The following DOCK8 variants were observed in gnomAD, a reference collection of about 807,000 sequenced individuals.
DOCK8 encodes dedicator of cytokinesis 8, also known as dedicator of cytokinesis protein 8.
Under a neutral mutation model 245.6 loss-of-function variants are expected in DOCK8, and 141 were observed. That is an observed-to-expected ratio of 0.57 (90% CI 0.50 to 0.66). DOCK8 has a LOEUF of 0.66. Among genes scored for constraint, DOCK8 ranks in the 30% least tolerant of loss-of-function variants. The probability of loss-of-function intolerance (pLI) is 0.00; values close to 1 mark genes in which losing one functional copy is unlikely to be tolerated. For missense variants in DOCK8, 2,965 were observed against 2,603.4 expected, an observed-to-expected ratio of 1.14 and a Z score of -3.02; for synonymous variants, 1,168 against 970.2, an observed-to-expected ratio of 1.20 and a Z score of -3.79.
At position 451,953 on chromosome 9, in the gene DOCK8, GTGTA is replaced by G. The variant is rs1445634572; in HGVS notation, c.5962-56_5962-53del. 39 of 276,268 alleles carry G rather than the reference GTGTA, an allele frequency of 1.4e-4. No individual in the cohort carries two copies. The African/African-American group carries it at 2.1e-3, about 15-fold the overall frequency. 17.1% of individuals were successfully genotyped at this position (276,268 alleles called of 1,614,324 possible). A position where few individuals can be genotyped will look rare whatever the true frequency, so the allele number is the denominator to read the frequency against. On this transcript the variant is annotated intron_variant, in intron 45 of 47. Coordinates refer to ENST00000432829, the MANE Select transcript of DOCK8 (RefSeq NM_203447.4). ...TATGTGTATATATATATGTGTGTGT[GTGTA>G]TATATATATATATATATATATTTTT...
chr9:242,201 G>T (rs1258865636), intron 1 of DOCK8, among the ~76,000 whole-genome samples: 3 of 152,148 alleles, frequency 2.0e-5, no homozygotes, highest in African/African-American at 7.2e-5. Flanking sequence ...CTTTGTCCTT[G>T]TAAAAATTAT....
At chr9:441,541 C>G (rs2057096261) in intron 41 of DOCK8, 124 bp downstream of exon 41, 1 of 1,445,792 alleles carries the variant, frequency 6.9e-7, no homozygotes, top group Middle Eastern at 2.4e-4. Flanking sequence ...TTTGCTCTCA[C>G]CTGTCAAACA....
intron 27 of DOCK8, among the ~76,000 whole-genome samples, chr9:406,448 C>G (rs1478067302): frequency 1.4e-5 from 2 of 146,468 alleles, no homozygotes; most frequent in African/African-American, 5.2e-5. Flanking sequence ...GACCATGCCA[C>G]TGCAATCCAG....
At chr9:334,757 A>T (rs1186594454) in intron 11 of DOCK8, among the ~76,000 whole-genome samples, 1 of 152,174 alleles carries the variant, frequency 6.6e-6, no homozygotes, top group East Asian at 1.9e-4. Flanking sequence ...CCTAAAAAAA[A>T]AAGCCTCTGT....
chr9:377,948 G>A (rs75794932), intron 20 of DOCK8, among the ~76,000 whole-genome samples: 1 of 152,152 alleles, frequency 6.6e-6, no homozygotes, highest in African/African-American at 2.4e-5. Context: ...GGCTGGTATA[G>A]GGCATCTTTA....
intron 1 of DOCK8, among the ~76,000 whole-genome samples, chr9:243,064 C>T (rs2047414974): frequency 6.6e-6 from 1 of 152,090 alleles, no homozygotes; most frequent in East Asian, 1.9e-4. Flanking sequence ...ACAAAGATTC[C>T]TTTTCAAACT....
intron 14 of DOCK8, among the ~76,000 whole-genome samples, chr9:350,153 CCA>C (rs1288714792): frequency 6.6e-6 from 1 of 152,178 alleles, no homozygotes; most frequent in Non-Finnish European, 1.5e-5. Flanking sequence ...TGCTCTGTCT[CCA>C]AGATTGGAGT....
At chr9:385,144 TA>T (rs1296075620) in intron 22 of DOCK8, among the ~76,000 whole-genome samples, 1 of 152,194 alleles carries the variant, frequency 6.6e-6, no homozygotes, top group African/African-American at 2.4e-5. Context: ...TTGTTAAAAT[TA>T]AATCGTATAA....
At position 292,069 on chromosome 9, in the gene DOCK8, C is replaced by CAAAAAA. The variant is rs139396600; in HGVS notation, c.404+2504_404+2509dup. Among the ~76,000 whole-genome samples, 79 of 52,554 alleles carry CAAAAAA rather than the reference C, an allele frequency of 1.5e-3. 8 individuals carry two copies. Among genetic ancestry groups the CAAAAAA allele is most frequent in the African/African-American group, 1.6e-3 (20 of 12,610 alleles). 34.5% of individuals were successfully genotyped at this position (52,554 alleles called of 152,430 possible). ...CAGGCAACAGAGGAAGACCCTATCT[C>CAAAAAA]AAAAAAAAAAAAAAAAAAAAAGCCA... On this transcript the variant is annotated intron_variant, in intron 4 of 47. Coordinates refer to ENST00000432829, the MANE Select transcript of DOCK8 (RefSeq NM_203447.4).
chr9:444,345 A>G (rs2057183497), intron 43 of DOCK8, among the ~76,000 whole-genome samples: 1 of 149,036 alleles, frequency 6.7e-6, no homozygotes, highest in Admixed American at 6.7e-5. Context: ...AAATAATAAT[A>G]ATAATAATAA....
At chr9:292,590 A>G (rs2049093993) in intron 4 of DOCK8, among the ~76,000 whole-genome samples, 1 of 150,580 alleles carries the variant, frequency 6.6e-6, no homozygotes, top group South Asian at 2.1e-4. Context: ...TGCTCTGCTT[A>G]TTCGTGAAAT....
At chr9:393,476 A>G (rs1054197123) in intron 24 of DOCK8, among the ~76,000 whole-genome samples, 1 of 152,176 alleles carries the variant, frequency 6.6e-6, no homozygotes. Context: ...TATTATCCCA[A>G]ATTTACAGAT....
At position 254,651 on chromosome 9, in the gene DOCK8, T is replaced by C. The variant is rs575317117; in HGVS notation, c.54-16976T>C. Among the ~76,000 whole-genome samples, 3 of 152,294 alleles carry C rather than the reference T, an allele frequency of 2.0e-5. No homozygotes were observed. In the South Asian group the frequency reaches 6.2e-4, roughly 32 times the overall value. On this transcript the variant is annotated intron_variant, in intron 1 of 47. Coordinates refer to ENST00000432829, the MANE Select transcript of DOCK8 (RefSeq NM_203447.4). Reference sequence around the variant, plus strand: ...TATGGATAAATCATTTCCCTGCAGGTGGAAGTGGAAAATTGCAGATAGAAC... The same window carrying C: ...TATGGATAAATCATTTCCCTGCAGGCGGAAGTGGAAAATTGCAGATAGAAC...
At chr9:231,803 G>A (rs1405421407) in intron 1 of DOCK8, among the ~76,000 whole-genome samples, 1 of 152,304 alleles carries the variant, frequency 6.6e-6, no homozygotes, top group Admixed American at 6.5e-5. Flanking sequence ...TTTGGGCTGA[G>A]ACAATGGGGT....
At chr9:392,940 C>A (rs191892757) in intron 24 of DOCK8, among the ~76,000 whole-genome samples, 1 of 151,602 alleles carries the variant, frequency 6.6e-6, no homozygotes, top group African/African-American at 2.4e-5. Flanking sequence ...GAAAAAATTA[C>A]CTGGGTGTGG....
chr9:323,666 T>TCTCCCTAC (rs1485955178), intron 7 of DOCK8, among the ~76,000 whole-genome samples: 30 of 152,142 alleles, frequency 2.0e-4, no homozygotes, highest in African/African-American at 7.0e-4. Flanking sequence ...AACTCCTTAT[T>TCTCCCTAC]CTCCCTACTC....
At chr9:237,292 A>G (rs1008349094) in intron 1 of DOCK8, among the ~76,000 whole-genome samples, 1 of 152,256 alleles carries the variant, frequency 6.6e-6, no homozygotes, top group African/African-American at 2.4e-5. Flanking sequence ...GACAAGAAGA[A>G]TACAAGGTGC....
At chr9:383,163 G>A (rs1249649497) in intron 22 of DOCK8, among the ~76,000 whole-genome samples, 1 of 152,142 alleles carries the variant, frequency 6.6e-6, no homozygotes, top group Non-Finnish European at 1.5e-5. Context: ...ACTTTGGGAG[G>A]CCGAGGCGGG....
chr9:256,155 G>A (rs573090943), intron 1 of DOCK8, among the ~76,000 whole-genome samples: 1 of 152,274 alleles, frequency 6.6e-6, no homozygotes, highest in South Asian at 2.1e-4. Context: ...GGATTCATAG[G>A]GGAAATAGTG....
Sources: allele counts gnomAD v4.1 joint callset (sites outside exome capture counted in the v4.1 genomes callset), GRCh38; gene constraint gnomAD v4.1.1; transcripts MANE v1.5; gene names NCBI Gene and HGNC (gene_info 2026-07-23, HGNC 2026-07-21).